The following AKAP19 variants were observed in gnomAD, a reference collection of about 807,000 sequenced individuals.
The protein encoded by AKAP19 is A-kinase anchoring protein 19.
the AKAP19 span, among the ~76,000 whole-genome samples, chr2:190,084,256 C>A: frequency 0.026 from 3,985 of 152,120 alleles, 115 homozygotes; most frequent in African/African-American, 0.069. Context: ...CCATGCCTGG[C>A]TAATTTTTGT....
the AKAP19 span, among the ~76,000 whole-genome samples, chr2:190,004,431 G>T: frequency 6.6e-6 from 1 of 151,972 alleles, no homozygotes; most frequent in African/African-American, 2.4e-5. Context: ...ACAGTGACCC[G>T]TAGGGCCTTT....
chr2:190,051,045 T>G, the AKAP19 span, among the ~76,000 whole-genome samples: 3 of 152,206 alleles, frequency 2.0e-5, no homozygotes, highest in African/African-American at 7.2e-5. Flanking sequence ...AGCTGGTCAA[T>G]TTTGTAAGAA....
chr2:189,951,822 C>T, the AKAP19 span, among the ~76,000 whole-genome samples: 14 of 152,174 alleles, frequency 9.2e-5, no homozygotes, highest in Non-Finnish European at 1.5e-4. Flanking sequence ...GCTGAAGGCA[C>T]TCGAGAAATA....
At chr2:190,030,330 T>C in the AKAP19 span, among the ~76,000 whole-genome samples, 1 of 152,218 alleles carries the variant, frequency 6.6e-6, no homozygotes, top group South Asian at 2.1e-4. Flanking sequence ...CCCAGTTTTG[T>C]AATAGAAAAT....
At chr2:190,048,151 C>T in the AKAP19 span, among the ~76,000 whole-genome samples, 1 of 152,164 alleles carries the variant, frequency 6.6e-6, no homozygotes, top group Non-Finnish European at 1.5e-5. Context: ...TTACTCTAGG[C>T]ATCCTGTGCT....
the AKAP19 span, among the ~76,000 whole-genome samples, chr2:189,951,846 G>A: frequency 6.6e-6 from 1 of 152,304 alleles, no homozygotes; most frequent in East Asian, 1.9e-4. Context: ...AATGCAGGAA[G>A]AACTCTGTGA....
the AKAP19 span, among the ~76,000 whole-genome samples, chr2:190,016,618 A>C: frequency 1.3e-5 from 2 of 152,220 alleles, no homozygotes; most frequent in African/African-American, 4.8e-5. Flanking sequence ...TCCTGTTATC[A>C]ATTTCTAGTT....
At chr2:190,010,569 T>G in the AKAP19 span, among the ~76,000 whole-genome samples, 5,228 of 152,246 alleles carry the variant, frequency 0.034, 287 homozygotes, top group African/African-American at 0.12. Context: ...AATGCATGTT[T>G]TTGTTCTAGA....
At chr2:189,976,297 T>C in the AKAP19 span, among the ~76,000 whole-genome samples, 2 of 152,242 alleles carry the variant, frequency 1.3e-5, no homozygotes, top group Non-Finnish European at 2.9e-5. Context: ...ACAGCGAATA[T>C]TGCTGAACAG....
At chr2:190,147,934 C>T in the AKAP19 span, among the ~76,000 whole-genome samples, 17 of 152,154 alleles carry the variant, frequency 1.1e-4, no homozygotes, top group South Asian at 3.3e-3. Context: ...TCAAGGTAAA[C>T]GATCATATCA....
the AKAP19 span, among the ~76,000 whole-genome samples, chr2:190,051,531 C>T: frequency 6.6e-6 from 1 of 152,152 alleles, no homozygotes; most frequent in African/African-American, 2.4e-5. Flanking sequence ...CTTCTGCTGG[C>T]CCTGCAGTTG....
the AKAP19 span, among the ~76,000 whole-genome samples, chr2:190,007,667 A>G: frequency 7.7e-4 from 117 of 152,296 alleles, no homozygotes; most frequent in African/African-American, 2.7e-3. Context: ...TTAATAAGAA[A>G]TATTGAATGC....
chr2:190,002,509 T>G, the AKAP19 span, among the ~76,000 whole-genome samples: 1 of 152,004 alleles, frequency 6.6e-6, no homozygotes, highest in Non-Finnish European at 1.5e-5. Context: ...AACCTGCACA[T>G]AGTGCACATG....
At chr2:190,119,584 A>G in the AKAP19 span, among the ~76,000 whole-genome samples, 1 of 152,244 alleles carries the variant, frequency 6.6e-6, no homozygotes, top group African/African-American at 2.4e-5. Context: ...CCCAGTTTCT[A>G]ACGGCTTGCA....
the AKAP19 span, among the ~76,000 whole-genome samples, chr2:190,053,534 G>C: frequency 2.0e-5 from 3 of 152,084 alleles, no homozygotes; most frequent in Non-Finnish European, 4.4e-5. Flanking sequence ...TCTTACTCAG[G>C]AATGACCAAA....
chr2:189,948,965 A>T, the AKAP19 span, among the ~76,000 whole-genome samples: 1 of 151,550 alleles, frequency 6.6e-6, no homozygotes, highest in Non-Finnish European at 1.5e-5. Flanking sequence ...TTTATTTTAC[A>T]TTTAACTCTT....
At chr2:190,165,867 A>T in the AKAP19 span, among the ~76,000 whole-genome samples, 1 of 152,236 alleles carries the variant, frequency 6.6e-6, no homozygotes, top group Non-Finnish European at 1.5e-5. Context: ...ATAAGAAAGA[A>T]TATTAAAGAA....
chr2:190,023,196 C>T, the AKAP19 span, among the ~76,000 whole-genome samples: 1 of 151,936 alleles, frequency 6.6e-6, no homozygotes, highest in Non-Finnish European at 1.5e-5. Flanking sequence ...TTGTAAACTG[C>T]AAAATTATGT....
At chr2:190,203,187 A>G in the AKAP19 span, 1 of 166,974 alleles carries the variant, frequency 6.0e-6, no homozygotes, top group Non-Finnish European at 1.5e-5. Context: ...AAAGTTAGAG[A>G]CTCTTTATAA....
Sources: gnomAD v4.1 joint callset for allele counts (sites outside exome capture counted in the v4.1 genomes callset) on GRCh38, gnomAD v4.1.1 for gene constraint, MANE v1.5 for transcripts, NCBI Gene and HGNC (gene_info 2026-07-23, HGNC 2026-07-21) for gene names.